Variants in SLC24A4 observed in about 807,000 individuals in gnomAD.
The protein encoded by SLC24A4 is solute carrier family 24 member 4.
SLC24A4 carries 53 observed loss-of-function variants against 79.0 expected under a neutral mutation model. The ratio of observed to expected loss-of-function variants is 0.67; its 90% CI spans 0.54 to 0.84. The LOEUF is 0.84. SLC24A4 is among the 40% of genes least tolerant of loss of function. SLC24A4 has a pLI of 0.00. For missense variants in SLC24A4, 731 were observed against 822.0 expected, an observed-to-expected ratio of 0.89 and a Z score of 1.35; for synonymous variants, 323 against 323.8, an observed-to-expected ratio of 1.00 and a Z score of 0.03.
chr14:92,430,091 C>T (rs992614028), intron 2 of SLC24A4, among the ~76,000 whole-genome samples: 2 of 152,218 alleles, frequency 1.3e-5, no homozygotes, highest in East Asian at 1.9e-4. Context: ...AAACATGCAT[C>T]GATTCACATT....
At chr14:92,399,002 G>A (rs80297106) in intron 2 of SLC24A4, among the ~76,000 whole-genome samples, 9,804 of 152,186 alleles carry the variant, frequency 0.064, 1,071 homozygotes, top group African/African-American at 0.22. Context: ...GGATTCTAGC[G>A]AGATTTAGGA....
At chr14:92,382,641 G>T (rs1230096173) in intron 2 of SLC24A4, among the ~76,000 whole-genome samples, 2 of 152,170 alleles carry the variant, frequency 1.3e-5, no homozygotes, top group East Asian at 3.9e-4. Context: ...GCCATTGGTG[G>T]TCATCAGAGC....
At chr14:92,326,431 C>T (rs2141587080) in intron 2 of SLC24A4, among the ~76,000 whole-genome samples, 1 of 152,214 alleles carries the variant, frequency 6.6e-6, no homozygotes, top group East Asian at 1.9e-4. Context: ...GTGGGACACT[C>T]TGGGGTGCTG....
chr14:92,491,721 G>C lies in SLC24A4; in HGVS notation c.1594G>C (p.Val532Leu). The change falls in exon 15 of 17, where the codon GTA (valine) becomes CTA (leucine). Residue 532 changes from valine (V) to leucine (L), a missense_variant. Transcript: ENST00000532405. ...TIGSNVFDIL[V>L]GLGVPWGLQT... is the part of the protein sequence containing the mutation. Reference sequence around the variant, plus strand: ...AGGAAGCAACGTGTTTGACATCCTGGTAGGACTTGGTGTACCGTGGGGCCT... The same window carrying C: ...AGGAAGCAACGTGTTTGACATCCTGCTAGGACTTGGTGTACCGTGGGGCCT... The C allele has an allele frequency of 1.2e-6, 2 of 1,613,980 alleles. No individual in the cohort carries two copies. Among genetic ancestry groups the C allele is most frequent in the Non-Finnish European group, 1.7e-6 (2 of 1,179,882 alleles).
chr14:92,387,181 AT>A (rs10660359), intron 2 of SLC24A4, among the ~76,000 whole-genome samples: 2,279 of 140,176 alleles, frequency 0.016, 51 homozygotes, highest in African/African-American at 0.053. Flanking sequence ...GGAGAGAAGT[AT>A]TTTTTTTTTT....
At chr14:92,480,708 AT>A (rs1280408100) in intron 12 of SLC24A4, among the ~76,000 whole-genome samples, 2 of 151,852 alleles carry the variant, frequency 1.3e-5, no homozygotes, top group Admixed American at 1.3e-4. Context: ...GTATTTTCTA[AT>A]TTTTTTGTGC....
intron 4 of SLC24A4, among the ~76,000 whole-genome samples, chr14:92,440,492 T>C (rs1892430249): frequency 6.6e-6 from 1 of 152,096 alleles, no homozygotes; most frequent in African/African-American, 2.4e-5. Context: ...CAGCTGATCC[T>C]TACTGAATAC....
intron 2 of SLC24A4, among the ~76,000 whole-genome samples, chr14:92,358,671 G>A (rs1430453468): frequency 6.7e-6 from 1 of 149,580 alleles, no homozygotes; most frequent in East Asian, 1.9e-4. Flanking sequence ...CTCATCTACT[G>A]CTGGGACAGA....
At chr14:92,357,105 C>T (rs867243156) in intron 2 of SLC24A4, among the ~76,000 whole-genome samples, 7 of 152,154 alleles carry the variant, frequency 4.6e-5, no homozygotes, top group South Asian at 4.1e-4. Flanking sequence ...CTTATTTCCC[C>T]GTTTCTTGAG....
chr14:92,422,341 A>C (rs1891335436), intron 2 of SLC24A4, among the ~76,000 whole-genome samples: 1 of 152,226 alleles, frequency 6.6e-6, no homozygotes, highest in South Asian at 2.1e-4. Context: ...TGATATTTTG[A>C]ATGTCACCCT....
At chr14:92,378,339 T>C (rs1039596334) in intron 2 of SLC24A4, among the ~76,000 whole-genome samples, 2 of 152,212 alleles carry the variant, frequency 1.3e-5, no homozygotes, top group African/African-American at 4.8e-5. Context: ...ATGCCTGCCA[T>C]ATTTCATAGA....
chr14:92,378,536 C>T (rs1444845355), intron 2 of SLC24A4, among the ~76,000 whole-genome samples: 1 of 152,176 alleles, frequency 6.6e-6, no homozygotes, highest in Non-Finnish European at 1.5e-5. Context: ...TCTTCTCCAC[C>T]TCCGTAATGT....
chr14:92,329,225 A>G (rs944488790), intron 2 of SLC24A4, among the ~76,000 whole-genome samples: 2 of 152,270 alleles, frequency 1.3e-5, no homozygotes, highest in Admixed American at 6.5e-5. Context: ...CTAAGGCACC[A>G]CTTGGAGTGG....
chr14:92,411,560 G>C (rs1890716145), intron 2 of SLC24A4, among the ~76,000 whole-genome samples: 1 of 152,164 alleles, frequency 6.6e-6, no homozygotes, highest in South Asian at 2.1e-4. Context: ...GGCCAGAGCT[G>C]TCTTGGTTGT....
chr14:92,355,829 A>G lies in SLC24A4; in HGVS notation c.241+29851A>G, dbSNP rs760352752. Among the ~76,000 whole-genome samples the G allele has an allele frequency of 3.1e-4, 47 of 152,194 alleles. 1 individual carries two copies. The highest frequency in any genetic ancestry group is 6.2e-4 in the Non-Finnish European group (42 of 68,028). On this transcript the variant is annotated intron_variant, in intron 2 of 16. Transcript: ENST00000532405. The stretch of plus-strand genomic sequence containing the variant: ...GTACCCTGAGCGTGGTAGCTCGGCA[A>G]GTGGGTTCCTGTTAGAGCTCGTGCT...
intron 2 of SLC24A4, among the ~76,000 whole-genome samples, chr14:92,366,041 G>T (rs59811203): frequency 0.012 from 1,768 of 152,336 alleles, 35 homozygotes; most frequent in African/African-American, 0.041. Context: ...GGGTTAATCT[G>T]CACAGCCTTT....
intron 2 of SLC24A4, among the ~76,000 whole-genome samples, chr14:92,377,984 G>A (rs948725686): frequency 3.3e-5 from 5 of 152,042 alleles, no homozygotes; most frequent in Non-Finnish European, 4.4e-5. Flanking sequence ...GGAGAGATGA[G>A]GCTTGGAGTC....
chr14:92,359,618 G>A (rs1221014076), intron 2 of SLC24A4, among the ~76,000 whole-genome samples: 1 of 151,808 alleles, frequency 6.6e-6, no homozygotes, highest in Admixed American at 6.6e-5. Flanking sequence ...AAAAGATCAA[G>A]CATTACCACA....
intron 10 of SLC24A4, 106 bp downstream of exon 10, chr14:92,449,322 A>T (rs181502870): frequency 5.8e-6 from 6 of 1,031,194 alleles, no homozygotes; most frequent in South Asian, 1.8e-5. Context: ...ACACACACAC[A>T]CCCTCTCACA....
Sources: gnomAD v4.1 joint callset for allele counts (sites outside exome capture counted in the v4.1 genomes callset) on GRCh38, gnomAD v4.1.1 for gene constraint, MANE v1.5 for transcripts, NCBI Gene and HGNC (gene_info 2026-07-23, HGNC 2026-07-21) for gene names.